The following UBR1 variants were observed in gnomAD, a reference collection of about 807,000 sequenced individuals.
The protein encoded by UBR1 is ubiquitin protein ligase E3 component n-recognin 1.
Under a neutral mutation model 242.1 loss-of-function variants are expected in UBR1, and 102 were observed. The ratio of observed to expected loss-of-function variants is 0.42; its 90% CI spans 0.36 to 0.50. The LOEUF (loss-of-function observed/expected upper bound fraction) is 0.50, where lower values mean the gene tolerates loss of function less well. Ranked by LOEUF, UBR1 falls within the 20% of genes least tolerant of loss-of-function variation. UBR1 has a pLI of 0.01. For synonymous variants in UBR1, 675 were observed against 684.8 expected, an observed-to-expected ratio of 0.99 and a Z score of 0.22; for missense variants, 1,772 against 2,101.8, an observed-to-expected ratio of 0.84 and a Z score of 3.07.
intron 34 of UBR1, 116 bp from the exon 35 acceptor site, chr15:42,989,083 G>T: frequency 1.1e-6 from 1 of 870,640 alleles, no homozygotes. Flanking sequence ...TAAGTAAACT[G>T]CTCTTTGCCA....
intron 1 of UBR1, among the ~76,000 whole-genome samples, chr15:43,097,894 T>C (rs1434760943): frequency 6.6e-6 from 1 of 152,262 alleles, no homozygotes; most frequent in Non-Finnish European, 1.5e-5. Flanking sequence ...GTCTGTTCAC[T>C]AGAGTAGCAC....
At chr15:43,053,437 T>C (rs900040455) in intron 12 of UBR1, among the ~76,000 whole-genome samples, 15 of 152,234 alleles carry the variant, frequency 9.9e-5, no homozygotes, top group African/African-American at 3.6e-4. Context: ...TAACTTTAAG[T>C]ACTGCCATTA....
At chr15:43,052,062 A>G (rs1567137472) in intron 12 of UBR1, among the ~76,000 whole-genome samples, 2 of 152,228 alleles carry the variant, frequency 1.3e-5, no homozygotes, top group Non-Finnish European at 2.9e-5. Flanking sequence ...ACAAAACTAA[A>G]TAGACATAAA....
At chr15:43,058,245 A>G (rs1235228582) in intron 10 of UBR1, 96 bp downstream of exon 10, 5 of 936,028 alleles carry the variant, frequency 5.3e-6, no homozygotes, top group African/African-American at 1.7e-5. Context: ...AAATCATAAC[A>G]TTTAATTTTT....
At chr15:43,061,372 G>T (rs2033682475) in intron 6 of UBR1, among the ~76,000 whole-genome samples, 1 of 152,170 alleles carries the variant, frequency 6.6e-6, no homozygotes, top group Admixed American at 6.5e-5. Flanking sequence ...TCCCAATACT[G>T]GCTATCTTTC....
intron 33 of UBR1, among the ~76,000 whole-genome samples, chr15:42,993,853 C>G (rs572583293): frequency 3.2e-3 from 489 of 151,550 alleles, no homozygotes; most frequent in Non-Finnish European, 4.8e-3. Flanking sequence ...AAAAAAAAGG[C>G]TGTAATGACC....
Position 43,043,319 on chromosome 15 carries a change from C to G in UBR1, c.1745G>C (p.Ser582Thr). 1 of 1,614,068 alleles carries G rather than the reference C, an allele frequency of 6.2e-7. No individual in the cohort carries two copies. Among genetic ancestry groups the G allele is most frequent in the Non-Finnish European group, 8.5e-7 (1 of 1,180,004 alleles). Reference sequence around the variant, plus strand: ...TCCACACGATTGTACTACTGTCTTGCTACTAGATATGAAACTGGTACTGCA... The same window carrying G: ...TCCACACGATTGTACTACTGTCTTGGTACTAGATATGAAACTGGTACTGCA... ...MRCSTSFISS[S>T]KTVVQSCGHS... The change falls in exon 15 of 47, where the codon AGC becomes ACC. Residue 582 changes from serine (S) to threonine (T), a missense_variant. Transcript: ENST00000290650.
intron 33 of UBR1, among the ~76,000 whole-genome samples, chr15:42,992,984 C>T (rs370801472): frequency 6.6e-6 from 1 of 152,206 alleles, no homozygotes; most frequent in Non-Finnish European, 1.5e-5. Flanking sequence ...ATCTGCATGG[C>T]CACCATGGCT....
intron 28 of UBR1, 46 bp from the exon 29 acceptor site, chr15:43,015,915 C>T: frequency 6.4e-7 from 1 of 1,570,510 alleles, no homozygotes; most frequent in East Asian, 2.2e-5. Flanking sequence ...CACTGTTAAA[C>T]ATTTATATAC....
chr15:43,037,766 G>A lies in UBR1; in HGVS notation c.2022+7C>T. 1 of 1,611,618 alleles carries A rather than the reference G, an allele frequency of 6.2e-7. No individual in the cohort carries two copies. The highest frequency in any genetic ancestry group is 8.5e-7 in the Non-Finnish European group (1 of 1,177,806). On this transcript the variant is annotated splice_region_variant and intron_variant, in intron 17 of 46. Coordinates refer to ENST00000290650, the MANE Select transcript of UBR1 (RefSeq NM_174916.3). ...TTCATAAATATGAATAATAGACTTT[G>A]CTGTACCTGGCTAATAAGAGACAGT... is the stretch of plus-strand genomic sequence containing the variant.
chr15:42,977,957 AC>A lies in UBR1; in HGVS notation c.4151-11del. 1 of 1,606,772 alleles carries A rather than the reference AC, an allele frequency of 6.2e-7. No individual in the cohort carries two copies. The highest frequency in any genetic ancestry group is 1.1e-5 in the South Asian group (1 of 90,918). ...ATGTTAGGAAGAACAACTAAAACAA[AC>A]AAAAAGTTAATGTAATTCAGTCAGT... is the stretch of plus-strand genomic sequence containing the variant. On this transcript the variant is annotated splice_polypyrimidine_tract_variant and intron_variant, in intron 37 of 46. Transcript: ENST00000290650.
intron 27 of UBR1, among the ~76,000 whole-genome samples, chr15:43,018,931 T>A (rs1358948329): frequency 6.6e-6 from 1 of 152,256 alleles, no homozygotes; most frequent in East Asian, 1.9e-4. Flanking sequence ...CTGAACTAAA[T>A]GGTACCTCGA....
intron 15 of UBR1, among the ~76,000 whole-genome samples, chr15:43,042,467 C>T (rs1383891115): frequency 6.6e-6 from 1 of 152,050 alleles, no homozygotes; most frequent in Non-Finnish European, 1.5e-5. Context: ...TAATAGGTAC[C>T]TAGAGTAGTC....
chr15:43,071,775 A>G (rs1011506904), intron 4 of UBR1, among the ~76,000 whole-genome samples: 26 of 152,228 alleles, frequency 1.7e-4, no homozygotes, highest in African/African-American at 6.3e-4. Flanking sequence ...TGTTCAAGCC[A>G]ATGAGTTATG....
chr15:43,019,588 T>G (rs928146230), intron 27 of UBR1, among the ~76,000 whole-genome samples: 5 of 149,808 alleles, frequency 3.3e-5, no homozygotes, highest in Non-Finnish European at 7.4e-5. Context: ...CAGGTTTTTT[T>G]TTTTTTTTTT....
intron 2 of UBR1, among the ~76,000 whole-genome samples, chr15:43,083,948 G>A (rs149403051): frequency 9.9e-5 from 15 of 152,076 alleles, no homozygotes; most frequent in African/African-American, 3.6e-4. Context: ...GGAGGTTGAG[G>A]CAGGAAAATT....
intron 46 of UBR1, among the ~76,000 whole-genome samples, chr15:42,948,504 A>G (rs891705955): frequency 1.4e-4 from 22 of 152,262 alleles, no homozygotes; most frequent in Middle Eastern, 3.4e-3. Flanking sequence ...AACCTACAAA[A>G]TGGGAGAAAA....
At position 42,945,369 on chromosome 15, in the gene UBR1, G is replaced by A; in HGVS notation, c.5210C>T (p.Thr1737Ile). 1.2e-6 allele frequency: 2 copies of A among 1,614,160 alleles called. No homozygotes were observed. The highest frequency in any genetic ancestry group is 1.7e-6 in the Non-Finnish European group (2 of 1,180,042). Residue 1737 changes from threonine (T) to isoleucine (I), a missense_variant, in exon 47 of 47, where the codon ACT becomes ATT. This residue lies in a region of UBR1 where 965 missense variants were observed against 1,079.7 expected (regional missense o/e 0.89). Coordinates refer to ENST00000290650, the MANE Select transcript of UBR1 (RefSeq NM_174916.3). The part of the protein sequence containing the change: ...IIEEIARSQE[T>I]NQMLFGFNWQ... Reference sequence around the variant, plus strand: ...GTTGAATCCAAATAACATCTGATTAGTCTCTTGGCTCCTAGCAATCTCTTC... The same window carrying A: ...GTTGAATCCAAATAACATCTGATTAATCTCTTGGCTCCTAGCAATCTCTTC...
chr15:42,994,138 T>C (rs954478850), intron 33 of UBR1, among the ~76,000 whole-genome samples: 2 of 152,202 alleles, frequency 1.3e-5, no homozygotes, highest in Non-Finnish European at 2.9e-5. Context: ...GAGCTCTCTT[T>C]TGTTAAGTAT....
Sources: allele counts gnomAD v4.1 joint callset (sites outside exome capture counted in the v4.1 genomes callset), GRCh38; gene constraint gnomAD v4.1.1; regional missense constraint gnomAD v4.1.1; transcripts MANE v1.5; gene names NCBI Gene and HGNC (gene_info 2026-07-23, HGNC 2026-07-21).